Variants in ENPP6 observed in about 807,000 individuals in gnomAD.
ENPP6 encodes glycerophosphocholine cholinephosphodiesterase ENPP6.
A neutral mutation model predicts 42.0 loss-of-function variants in ENPP6; 32 were observed. The observed-to-expected ratio is 0.76, with a 90% CI of 0.58 to 1.02. The LOEUF is 1.02. Ranked by LOEUF, ENPP6 falls within the 50% of genes least tolerant of loss-of-function variation. The pLI, the probability that ENPP6 is intolerant of heterozygous loss-of-function variation, is 0.00. For missense variants in ENPP6, 552 were observed against 566.8 expected (o/e 0.97, Z 0.27); for synonymous variants, 213 against 216.0 (o/e 0.99, Z 0.12).
At chr4:184,157,548 C>T (rs1170083194) in intron 1 of ENPP6, among the ~76,000 whole-genome samples, 9 of 140,920 alleles carry the variant, frequency 6.4e-5, no homozygotes, top group African/African-American at 2.4e-4. Context: ...TCCTTTCTTT[C>T]CTTTCTCTCT....
At chr4:184,134,338 T>C (rs1212630532) in intron 2 of ENPP6, among the ~76,000 whole-genome samples, 1 of 152,146 alleles carries the variant, frequency 6.6e-6, no homozygotes, top group Admixed American at 6.5e-5. Context: ...ATTTTTTCCT[T>C]AAATGTTTGA....
chr4:184,132,794 C>CAT (rs1369934884), intron 2 of ENPP6, among the ~76,000 whole-genome samples: 3 of 148,082 alleles, frequency 2.0e-5, no homozygotes, highest in East Asian at 2.0e-4. Flanking sequence ...TATATACACA[C>CAT]ATATATATAC....
chr4:184,125,159 G>A (rs185417614), intron 2 of ENPP6, among the ~76,000 whole-genome samples: 136 of 152,296 alleles, frequency 8.9e-4, no homozygotes, highest in African/African-American at 3.0e-3. Flanking sequence ...AGTCTAAAGG[G>A]AGGTGCATGC....
At chr4:184,140,538 A>C (rs1300557113) in intron 2 of ENPP6, among the ~76,000 whole-genome samples, 1 of 130,216 alleles carries the variant, frequency 7.7e-6, no homozygotes, top group Non-Finnish European at 1.6e-5. Context: ...GTACCAAAAC[A>C]GAGATATAGA....
chr4:184,099,318 G>T (rs1735961509), intron 6 of ENPP6, among the ~76,000 whole-genome samples: 1 of 152,260 alleles, frequency 6.6e-6, no homozygotes, highest in South Asian at 2.1e-4. Flanking sequence ...TTGGAACTGG[G>T]TTGGTGCAGT....
intron 1 of ENPP6, among the ~76,000 whole-genome samples, chr4:184,176,820 T>A (rs1230559600): frequency 6.6e-6 from 1 of 152,222 alleles, no homozygotes; most frequent in Non-Finnish European, 1.5e-5. Flanking sequence ...CTGAAGGCGC[T>A]CATACAGAAG....
At chr4:184,097,473 C>G in intron 6 of ENPP6, 105 bp from the exon 7 acceptor site, 2 of 1,515,992 alleles carry the variant, frequency 1.3e-6, no homozygotes, top group South Asian at 2.5e-5. Context: ...TCCTCCTCTG[C>G]GCTCCGACTG....
chr4:184,202,384 C>G (rs1353875721), intron 1 of ENPP6, among the ~76,000 whole-genome samples: 1 of 152,152 alleles, frequency 6.6e-6, no homozygotes. Flanking sequence ...CCCTCACTTA[C>G]AGCCCATCAT....
At position 184,211,642 on chromosome 4, in the gene ENPP6, T is replaced by C. The variant is rs1201847469; in HGVS notation, c.241+5937A>G. On this transcript the variant is annotated intron_variant, in intron 1 of 7. Coordinates refer to ENST00000296741, the MANE Select transcript of ENPP6 (RefSeq NM_153343.4). ...GTCCAGGACCAGACGGATTCACAGC[T>C]GAATTCTACCAGAGGTACAAGGAGG... Among the ~76,000 whole-genome samples, 9 of 152,238 alleles carry C rather than the reference T, an allele frequency of 5.9e-5. No homozygotes were observed. The East Asian group carries it at 1.5e-3, about 26-fold the overall frequency.
rs936175241 is a variant in ENPP6 at position 184,090,078 on chromosome 4, C to T, written c.*1099G>A. On this transcript the variant is annotated 3_prime_UTR_variant, in exon 8 of 8. Coordinates refer to ENST00000296741, the MANE Select transcript of ENPP6 (RefSeq NM_153343.4). ...CCATCATGCTCTCTCCATTCTCCAC[C>T]CAGCACCATTTTCTTTGGAATTCTA... The T allele has an allele frequency of 1.3e-5, 2 of 152,160 alleles. No individual in the cohort carries two copies. Among genetic ancestry groups the T allele is most frequent in the Admixed American group, 1.3e-4 (2 of 15,260 alleles). 9.4% of individuals were successfully genotyped at this position (152,160 alleles called of 1,614,324 possible).
intron 7 of ENPP6, among the ~76,000 whole-genome samples, chr4:184,096,676 A>G (rs923693112): frequency 6.6e-6 from 1 of 152,178 alleles, no homozygotes; most frequent in Non-Finnish European, 1.5e-5. Flanking sequence ...CAAGAAAGAC[A>G]CAGCAAATTT....
chr4:184,144,910 A>G (rs1334936511), intron 2 of ENPP6, among the ~76,000 whole-genome samples: 1 of 152,188 alleles, frequency 6.6e-6, no homozygotes. Context: ...TTAGGATGAA[A>G]TAGTGTGTGG....
intron 2 of ENPP6, among the ~76,000 whole-genome samples, chr4:184,143,846 C>G (rs1736872398): frequency 6.6e-6 from 1 of 152,238 alleles, no homozygotes; most frequent in African/African-American, 2.4e-5. Flanking sequence ...CCTGAAGTTC[C>G]TCAAGTGCTC....
chr4:184,141,456 G>A (rs1204595482), intron 2 of ENPP6, among the ~76,000 whole-genome samples: 1 of 152,246 alleles, frequency 6.6e-6, no homozygotes, highest in Non-Finnish European at 1.5e-5. Flanking sequence ...AGGGCGATGG[G>A]CTGCCTTTCA....
chr4:184,095,986 T>C (rs1427975460), intron 7 of ENPP6, among the ~76,000 whole-genome samples: 2 of 152,168 alleles, frequency 1.3e-5, no homozygotes, highest in African/African-American at 4.8e-5. Context: ...GGTAGCATGT[T>C]CAGGCATCTT....
intron 3 of ENPP6, among the ~76,000 whole-genome samples, chr4:184,120,659 C>A (rs1167494785): frequency 1.3e-5 from 2 of 152,226 alleles, no homozygotes; most frequent in Non-Finnish European, 2.9e-5. Flanking sequence ...AGATCACAAA[C>A]CCTGCTTCCT....
At chr4:184,116,291 A>G (rs998375179) in intron 5 of ENPP6, among the ~76,000 whole-genome samples, 4 of 152,220 alleles carry the variant, frequency 2.6e-5, no homozygotes, top group Admixed American at 6.5e-5. Flanking sequence ...TTTAATTCTC[A>G]TGACATTCAA....
At chr4:184,115,716 A>G (rs568945084) in intron 5 of ENPP6, among the ~76,000 whole-genome samples, 2 of 152,316 alleles carry the variant, frequency 1.3e-5, no homozygotes, top group African/African-American at 4.8e-5. Flanking sequence ...CTGGCTTCCA[A>G]CTGAACACAG....
intron 7 of ENPP6, among the ~76,000 whole-genome samples, chr4:184,092,006 C>T (rs921510777): frequency 6.6e-6 from 1 of 152,234 alleles, no homozygotes; most frequent in Non-Finnish European, 1.5e-5. Flanking sequence ...TCTGATGCTG[C>T]TCCATGTCTG....
Sources: allele counts gnomAD v4.1 joint callset (sites outside exome capture counted in the v4.1 genomes callset), GRCh38; gene constraint gnomAD v4.1.1; transcripts MANE v1.5; gene names NCBI Gene and HGNC (gene_info 2026-07-23, HGNC 2026-07-21).